Variants in DISP3 observed in about 807,000 individuals in gnomAD.
DISP3 encodes the protein dispatched RND transporter family member 3, also known as protein dispatched homolog 3.
In DISP3, 101 loss-of-function variants were observed where a neutral mutation model predicts 135.3. That is an observed-to-expected ratio of 0.75 (90% CI 0.64 to 0.88). The LOEUF is 0.88. Ranked by LOEUF, DISP3 falls within the 40% of genes least tolerant of loss-of-function variation. DISP3 has a pLI of 0.00. For missense variants in DISP3, 1,713 were observed against 1,878.6 expected, an observed-to-expected ratio of 0.91 and a Z score of 1.63; for synonymous variants, 856 against 817.0, an observed-to-expected ratio of 1.05 and a Z score of -0.81.
intron 2 of DISP3, 33 bp from the exon 3 acceptor site, chr1:11,502,645 G>T: frequency 6.3e-7 from 1 of 1,576,194 alleles, no homozygotes. Flanking sequence ...CTGACCAGCT[G>T]AACTCTTGGG....
chr1:11,502,991 T>A, intron 3 of DISP3, 94 bp downstream of exon 3: 1 of 1,133,394 alleles, frequency 8.8e-7, no homozygotes, highest in Non-Finnish European at 1.2e-6. Context: ...CCCTATAATC[T>A]TTTCCTTTGG....
Position 11,501,738 on chromosome 1 carries a change from C to G in DISP3, c.746C>G (p.Ala249Gly). Reference sequence around the variant, plus strand: ...GCAGTCGCGGCCAATCAGAGCCGTGCCCGCCGAGGCGCCTCGCGCTGGGAC... The same window carrying G: ...GCAGTCGCGGCCAATCAGAGCCGTGGCCGCCGAGGCGCCTCGCGCTGGGAC... ...HAAVAANQSRARRGASRWDYS... is the reference protein window; with the variant it reads ...HAAVAANQSRGRRGASRWDYS... Residue 249 changes from alanine to glycine, a missense_variant, in exon 2 of 21, where the codon GCC (alanine) becomes GGC (glycine). Transcript: ENST00000294484. This position sits in a 1 kb window ranked among gnomAD's most constrained non-coding sequence, Gnocchi z 4.9. 5.0e-6 allele frequency: 8 copies of G among 1,591,324 alleles called. No individual in the cohort carries two copies. The highest frequency in any genetic ancestry group is 6.9e-6 in the Non-Finnish European group (8 of 1,167,490).
rs1201760076 is a variant in DISP3, at chr1:11,499,305, C to T, written c.-3-1685C>T. ...GGTTTAGTTCCCAGAAAACTGCAAA[C>T]ACGGCCCCTCCCCTCTCCACCTTAT... On this transcript the variant is annotated intron_variant, in intron 1 of 20. Coordinates refer to ENST00000294484, the MANE Select transcript of DISP3 (RefSeq NM_020780.2). This position sits in a 1 kb window ranked among gnomAD's most constrained non-coding sequence, Gnocchi z 5.2. 1.3e-5 allele frequency among the ~76,000 whole-genome samples: 2 copies of T among 152,162 alleles called. No homozygotes were observed. Among genetic ancestry groups the T allele is most frequent in the African/African-American group, 4.8e-5 (2 of 41,426 alleles).
At chr1:11,496,880 G>T (rs1449742288) in intron 1 of DISP3, among the ~76,000 whole-genome samples, 5 of 152,224 alleles carry the variant, frequency 3.3e-5, no homozygotes, top group African/African-American at 1.2e-4. Flanking sequence ...GGGAGACAGA[G>T]CCCCAAGAAG....
intron 1 of DISP3, among the ~76,000 whole-genome samples, chr1:11,494,037 CA>C (rs2100381615): frequency 6.6e-6 from 1 of 152,294 alleles, no homozygotes; most frequent in African/African-American, 2.4e-5. Context: ...TATCAGCTCT[CA>C]AAGAGCTCAT....
rs1268543015 is a variant in DISP3, at chr1:11,516,954, G to A, written c.1750-509G>A. ...GATGATTGTGAAAGTGTTTCACAGAGTGTAGGCTGCTCTGTTGGTGGCTAC... is the reference window on the plus strand; with the variant it reads ...GATGATTGTGAAAGTGTTTCACAGAATGTAGGCTGCTCTGTTGGTGGCTAC... On this transcript the variant is annotated intron_variant, in intron 6 of 20. Transcript: ENST00000294484. This position sits in a 1 kb window ranked among gnomAD's most constrained non-coding sequence, Gnocchi z 5.1. Among the ~76,000 whole-genome samples the A allele has an allele frequency of 1.3e-5, 2 of 152,158 alleles. No individual in the cohort carries two copies. Among genetic ancestry groups the A allele is most frequent in the African/African-American group, 4.8e-5 (2 of 41,418 alleles).
intron 17 of DISP3, among the ~76,000 whole-genome samples, chr1:11,533,295 A>G (rs1224564310): frequency 4.2e-5 from 5 of 117,858 alleles, no homozygotes; most frequent in Non-Finnish European, 5.2e-5. Context: ...TCACTCTGTC[A>G]CCCAGGCTGG....
intron 1 of DISP3, among the ~76,000 whole-genome samples, chr1:11,489,368 C>T (rs1422323225): frequency 6.6e-6 from 1 of 152,210 alleles, no homozygotes; most frequent in East Asian, 1.9e-4. Context: ...ATTGCAGTCT[C>T]CCAAGCCTTC....
chr1:11,526,623 G>A (rs747639180), intron 12 of DISP3, 28 bp from the exon 13 acceptor site: 72 of 1,600,200 alleles, frequency 4.5e-5, no homozygotes, highest in Non-Finnish European at 5.1e-5. Flanking sequence ...CGAGTCATGT[G>A]TCTTGTCTCT....
intron 1 of DISP3, among the ~76,000 whole-genome samples, chr1:11,487,326 C>T (rs1641064777): frequency 6.6e-6 from 1 of 152,190 alleles, no homozygotes; most frequent in African/African-American, 2.4e-5. Context: ...TCCTCCCTTC[C>T]TGAGGGGACA....
rs1641543400 is a variant in DISP3 at position 11,501,866 on chromosome 1, A to G, written c.874A>G (p.Ser292Gly). The G allele has an allele frequency of 1.2e-6, 2 of 1,612,980 alleles. No homozygotes were observed. Among genetic ancestry groups the G allele is most frequent in the Non-Finnish European group, 1.7e-6 (2 of 1,179,676 alleles). Residue 292 changes from serine to glycine, a missense_variant, in exon 2 of 21, where the codon AGT (serine) becomes GGT (glycine). Ser to Gly is a moderately conservative substitution (Grantham distance 56). Coordinates refer to ENST00000294484, the MANE Select transcript of DISP3 (RefSeq NM_020780.2). The surrounding 1 kb of genome is among the most constrained non-coding windows in gnomAD (Gnocchi z 4.9). ...CGACGCGGAGCGCAACATTTTCACC[A>G]GTGAGCGCCTGGTCACGATCCATGA... ...RGDAERNIFT[S>G]ERLVTIHEIE...
chr1:11,482,227 G>A (rs563258384), intron 1 of DISP3, among the ~76,000 whole-genome samples: 9 of 152,330 alleles, frequency 5.9e-5, no homozygotes, highest in Admixed American at 5.9e-4. Context: ...CAGACACTGG[G>A]CTGGTTGTAA....
At chr1:11,488,637 C>G (rs74966720) in intron 1 of DISP3, among the ~76,000 whole-genome samples, 235 of 146,422 alleles carry the variant, frequency 1.6e-3, no homozygotes, top group African/African-American at 5.3e-3. Flanking sequence ...GGCAGATGCT[C>G]TGTGTGTGTG....
rs1254143938 is a variant in DISP3, at chr1:11,501,358, C to A, written c.366C>A (p.Leu122=). Residue 122 remains leucine, a synonymous_variant, in exon 2 of 21, where the codon CTC becomes CTA. Coordinates refer to ENST00000294484, the MANE Select transcript of DISP3 (RefSeq NM_020780.2). The surrounding 1 kb of genome is among the most constrained non-coding windows in gnomAD (Gnocchi z 4.9). The part of the protein sequence containing the change: ...NHEASQRFDA[L]TLALKSQFGS... ...AGGCCTCACAGCGTTTCGACGCTCT[C>A]ACTCTGGCGCTTAAGTCCCAGTTTG... 3 of 1,612,218 alleles carry A rather than the reference C, an allele frequency of 1.9e-6. No individual in the cohort carries two copies. The highest frequency in any genetic ancestry group is 2.5e-6 in the Non-Finnish European group (3 of 1,179,268).
chr1:11,502,645 G>A (rs1641579594), intron 2 of DISP3, 33 bp from the exon 3 acceptor site: 1 of 1,576,196 alleles, frequency 6.3e-7, no homozygotes, highest in South Asian at 1.1e-5. Flanking sequence ...CTGACCAGCT[G>A]AACTCTTGGG....
In DISP3 at chr1:11,519,633, C is replaced by T; in HGVS notation, c.2039-86C>T. 1 of 1,571,692 alleles carries T rather than the reference C, an allele frequency of 6.4e-7. No individual in the cohort carries two copies. Among genetic ancestry groups the T allele is most frequent in the East Asian group, 2.3e-5 (1 of 44,338 alleles). ...CAAGATGGCCTGTGGGCTTCCTCAC[C>T]AGGCATCTGGGCTTCCCTGGAAGCG... is the stretch of plus-strand genomic sequence containing the variant. On this transcript the variant is annotated intron_variant, in intron 8 of 20. Transcript: ENST00000294484. This position sits in a 1 kb window ranked among gnomAD's most constrained non-coding sequence, Gnocchi z 4.3.
At position 11,491,615 on chromosome 1, in the gene DISP3, C is replaced by G. The variant is rs1641184654; in HGVS notation, c.-3-9375C>G. ...GACAGAGTGAGATCCCATCTCAAAA[C>G]AAACAAACAAAACAAAACAAAACCC... On this transcript the variant is annotated intron_variant, in intron 1 of 20. Coordinates refer to ENST00000294484, the MANE Select transcript of DISP3 (RefSeq NM_020780.2). The surrounding 1 kb of genome is among the most constrained non-coding windows in gnomAD (Gnocchi z 4.3). Among the ~76,000 whole-genome samples, 1 of 151,214 alleles carries G rather than the reference C, an allele frequency of 6.6e-6. No individual in the cohort carries two copies. Among genetic ancestry groups the G allele is most frequent in the Admixed American group, 6.6e-5 (1 of 15,214 alleles).
At position 11,534,381 on chromosome 1, in the gene DISP3, A is replaced by G; in HGVS notation, c.3376A>G (p.Thr1126Ala). The G allele has an allele frequency of 6.2e-7, 1 of 1,614,192 alleles. No homozygotes were observed. The highest frequency in any genetic ancestry group is 8.5e-7 in the Non-Finnish European group (1 of 1,180,020). ...VQWISMAFES[T>A]TYKGKSSFQT... is the part of the protein sequence containing the mutation. Reference sequence around the variant, plus strand: ...CACTAGCTCACATCTCTCCCCACAGACCACGTACAAGGGCAAATCCTCCTT... The same window carrying G: ...CACTAGCTCACATCTCTCCCCACAGGCCACGTACAAGGGCAAATCCTCCTT... The change falls in exon 18 of 21, where the codon ACC becomes GCC. Residue 1126 changes from threonine to alanine, a missense_variant and splice_region_variant. By Grantham distance (58) the Thr-to-Ala change is moderately conservative (BLOSUM62 0). Around this residue, in one of 2 missense-constraint regions of DISP3, gnomAD observed 1,142 missense variants for 1,384.6 expected, o/e 0.82. Transcript: ENST00000294484.
Position 11,520,641 on chromosome 1 carries a change from A to G in DISP3, c.2201-46A>G. 1 of 1,592,374 alleles carries G rather than the reference A, an allele frequency of 6.3e-7. No individual in the cohort carries two copies. The highest frequency in any genetic ancestry group is 8.6e-7 in the Non-Finnish European group (1 of 1,166,580). On this transcript the variant is annotated intron_variant, in intron 9 of 20. Coordinates refer to ENST00000294484, the MANE Select transcript of DISP3 (RefSeq NM_020780.2). The surrounding 1 kb of genome is among the most constrained non-coding windows in gnomAD (Gnocchi z 4.8). ...CACTTTGGAGCCCCACTGGGAACAG[A>G]CCAGCTGGGCCCAGCCCCGCCTGGT...
Sources: gnomAD v4.1 joint callset for allele counts (sites outside exome capture counted in the v4.1 genomes callset) on GRCh38, gnomAD v4.1.1 for gene constraint, gnomAD v4.1.1 regional missense constraint, Gnocchi (gnomAD v3.1) non-coding constraint, MANE v1.5 for transcripts, NCBI Gene and HGNC (gene_info 2026-07-23, HGNC 2026-07-21) for gene names.